BAZ2B: variants seen among roughly 807,000 people sequenced by gnomAD.
BAZ2B encodes the protein bromodomain adjacent to zinc finger domain protein 2B.
Under a neutral mutation model 246.0 loss-of-function variants are expected in BAZ2B, and 91 were observed. That is an observed-to-expected ratio of 0.37 (90% CI 0.31 to 0.44). BAZ2B has a LOEUF of 0.44. Ranked by LOEUF, BAZ2B falls within the 20% of genes least tolerant of loss-of-function variation. The probability of loss-of-function intolerance (pLI) is 1.00; values close to 1 mark genes in which losing one functional copy is unlikely to be tolerated. For missense variants in BAZ2B, 2,332 were observed against 2,533.7 expected (o/e 0.92, Z 1.71); for synonymous variants, 855 against 860.0 (o/e 0.99, Z 0.10).
At chr2:159,612,775 T>A (rs1200143602) in intron 1 of BAZ2B, among the ~76,000 whole-genome samples, 1 of 152,100 alleles carries the variant, frequency 6.6e-6, no homozygotes. Context: ...AGCTGTCAAG[T>A]TGATGCATCA....
intron 1 of BAZ2B, among the ~76,000 whole-genome samples, chr2:159,576,247 T>G (rs1259225871): frequency 6.6e-6 from 1 of 152,024 alleles, no homozygotes; most frequent in African/African-American, 2.4e-5. Context: ...TATACCCACC[T>G]AAAAGAATTC....
intron 28 of BAZ2B, 122 bp downstream of exon 28, chr2:159,349,586 A>T: frequency 1.7e-6 from 2 of 1,157,754 alleles, no homozygotes; most frequent in Non-Finnish European, 2.4e-6. Flanking sequence ...GACTTGTTTT[A>T]GTTTTCAAAC....
chr2:159,571,502 A>G (rs1432603345), intron 1 of BAZ2B, among the ~76,000 whole-genome samples: 1 of 152,200 alleles, frequency 6.6e-6, no homozygotes, highest in Non-Finnish European at 1.5e-5. Context: ...GCTAGACAGC[A>G]TCATCATGGG....
At chr2:159,686,401 C>T in the BAZ2B span, among the ~76,000 whole-genome samples, 6,318 of 151,998 alleles carry the variant, frequency 0.042, 421 homozygotes, top group African/African-American at 0.14. Context: ...GTATTATTTC[C>T]AAAAAACAAA....
At chr2:159,544,855 T>C (rs1159623132) in intron 2 of BAZ2B, among the ~76,000 whole-genome samples, 1 of 152,152 alleles carries the variant, frequency 6.6e-6, no homozygotes, top group Non-Finnish European at 1.5e-5. Flanking sequence ...AGAATGTGTG[T>C]TGGAAACAGA....
chr2:159,336,917 A>G (rs762705374), intron 33 of BAZ2B, 25 bp downstream of exon 33: 2 of 1,542,126 alleles, frequency 1.3e-6, no homozygotes, highest in Non-Finnish European at 1.8e-6. Context: ...ATTAGTTATA[A>G]TATTTCTTAA....
chr2:159,692,946 C>T, the BAZ2B span, among the ~76,000 whole-genome samples: 1 of 152,168 alleles, frequency 6.6e-6, no homozygotes, highest in South Asian at 2.1e-4. Flanking sequence ...GTAGCTAGGA[C>T]TACAGGTACG....
intron 18 of BAZ2B, among the ~76,000 whole-genome samples, chr2:159,397,979 C>G (rs2064310910): frequency 6.6e-6 from 1 of 152,032 alleles, no homozygotes; most frequent in Non-Finnish European, 1.5e-5. Flanking sequence ...TTAAGGCAAA[C>G]CATTCTAGGA....
chr2:159,469,505 G>A (rs923637564), intron 3 of BAZ2B, among the ~76,000 whole-genome samples: 6 of 151,930 alleles, frequency 3.9e-5, no homozygotes, highest in South Asian at 4.2e-4. Context: ...GTACAATCTC[G>A]GCTCAATGCA....
rs1448227776 is a variant in BAZ2B, at chr2:159,320,252, G to C, written c.*13C>G. On this transcript the variant is annotated 3_prime_UTR_variant, in exon 37 of 37. Transcript: ENST00000392783. ...TTGTTTAGAAGGAAAAAAATAAAGA[G>C]ATTATTATAACTTCAGCTCACTTTG... 1 of 1,523,364 alleles carries C rather than the reference G, an allele frequency of 6.6e-7. No individual in the cohort carries two copies. The highest frequency in any genetic ancestry group is 8.7e-7 in the Non-Finnish European group (1 of 1,147,958). 94.4% of individuals were successfully genotyped at this position (1,523,364 alleles called of 1,614,324 possible). A position where few individuals can be genotyped will look rare whatever the true frequency, so the allele number is the denominator to read the frequency against.
At chr2:159,564,889 G>T (rs996247652) in intron 1 of BAZ2B, among the ~76,000 whole-genome samples, 1 of 152,104 alleles carries the variant, frequency 6.6e-6, no homozygotes, top group Non-Finnish European at 1.5e-5. Flanking sequence ...TTTATTTTTT[G>T]AGGCAGAGTC....
At chr2:159,653,956 C>T in the BAZ2B span, among the ~76,000 whole-genome samples, 1 of 151,992 alleles carries the variant, frequency 6.6e-6, no homozygotes, top group Non-Finnish European at 1.5e-5. Context: ...AAAAGATTCA[C>T]TGGAATATAA....
chr2:159,659,594 C>T, the BAZ2B span, among the ~76,000 whole-genome samples: 2 of 152,264 alleles, frequency 1.3e-5, no homozygotes, highest in Non-Finnish European at 2.9e-5. Flanking sequence ...TCTGAGTATT[C>T]CTCTGACATC....
intron 1 of BAZ2B, among the ~76,000 whole-genome samples, chr2:159,581,948 T>G (rs1686904984): frequency 6.8e-6 from 1 of 146,710 alleles, no homozygotes; most frequent in Non-Finnish European, 1.5e-5. Flanking sequence ...AGGGATAGCA[T>G]TAGGAGATAT....
intron 31 of BAZ2B, among the ~76,000 whole-genome samples, chr2:159,345,790 T>C (rs566672537): frequency 6.6e-6 from 1 of 152,326 alleles, no homozygotes; most frequent in East Asian, 1.9e-4. Flanking sequence ...CTATAGAAAG[T>C]AGATGTAGCA....
chr2:159,363,683 G>T (rs1012039737), intron 27 of BAZ2B, among the ~76,000 whole-genome samples: 1 of 152,186 alleles, frequency 6.6e-6, no homozygotes, highest in East Asian at 1.9e-4. Context: ...TAAACAGAAG[G>T]AATGATAAGA....
intron 2 of BAZ2B, among the ~76,000 whole-genome samples, chr2:159,529,202 GA>G (rs1168333105): frequency 2.0e-5 from 3 of 151,632 alleles, no homozygotes; most frequent in Non-Finnish European, 4.4e-5. Flanking sequence ...CTTGACCATG[GA>G]ACCTTTTTTC....
At chr2:159,684,667 G>A in the BAZ2B span, among the ~76,000 whole-genome samples, 4 of 152,094 alleles carry the variant, frequency 2.6e-5, no homozygotes, top group African/African-American at 9.7e-5. Context: ...CACTGTAACT[G>A]TCTTTACTCA....
At chr2:159,657,897 C>T in the BAZ2B span, among the ~76,000 whole-genome samples, 3 of 152,170 alleles carry the variant, frequency 2.0e-5, no homozygotes, top group Non-Finnish European at 4.4e-5. Context: ...TTCATTTCTT[C>T]TTTCCCAATC....
Sources: gnomAD v4.1 joint callset for allele counts (sites outside exome capture counted in the v4.1 genomes callset) on GRCh38, gnomAD v4.1.1 for gene constraint, MANE v1.5 for transcripts, NCBI Gene and HGNC (gene_info 2026-07-23, HGNC 2026-07-21) for gene names.